Variants in ARHGEF2 observed in about 807,000 individuals in gnomAD.
ARHGEF2 encodes Rho/Rac guanine nucleotide exchange factor 2, also known as rho guanine nucleotide exchange factor 2.
A neutral mutation model predicts 121.0 loss-of-function variants in ARHGEF2; 22 were observed. The ratio of observed to expected loss-of-function variants is 0.18; its 90% CI spans 0.13 to 0.26. The LOEUF (loss-of-function observed/expected upper bound fraction) is 0.26, where lower values mean the gene tolerates loss of function less well. Among genes scored for constraint, ARHGEF2 ranks in the 10% least tolerant of loss-of-function variants. ARHGEF2 has a pLI of 1.00. For missense variants in ARHGEF2, 907 were observed against 1,336.0 expected, an observed-to-expected ratio of 0.68 and a Z score of 5.01; for synonymous variants, 487 against 530.0, an observed-to-expected ratio of 0.92 and a Z score of 1.11.
chr1:155,956,639 T>C (rs1202846870), intron 13 of ARHGEF2, among the ~76,000 whole-genome samples: 1 of 150,876 alleles, frequency 6.6e-6, no homozygotes, highest in Non-Finnish European at 1.5e-5. Flanking sequence ...TTGGTCAACA[T>C]GGCAAAACCC....
chr1:155,970,672 C>T (rs1228549979), intron 1 of ARHGEF2: 1 of 985,604 alleles, frequency 1.0e-6, no homozygotes, highest in Non-Finnish European at 1.2e-6. Context: ...CGAGGCCACG[C>T]CAGCAGCTGA....
At chr1:155,966,196 C>T (rs1379054504) in intron 4 of ARHGEF2, among the ~76,000 whole-genome samples, 1 of 152,160 alleles carries the variant, frequency 6.6e-6, no homozygotes, top group Non-Finnish European at 1.5e-5. Context: ...GCTCAGGCGA[C>T]CACCCATCCC....
At chr1:155,953,187 C>T (rs975320887) in intron 14 of ARHGEF2, among the ~76,000 whole-genome samples, 2 of 151,642 alleles carry the variant, frequency 1.3e-5, no homozygotes, top group African/African-American at 4.8e-5. Context: ...ATCGCTTGAA[C>T]CCAGGAGGCA....
At chr1:155,966,781 A>G (rs765606938) in intron 3 of ARHGEF2, 39 bp downstream of exon 3, 23 of 1,555,088 alleles carry the variant, frequency 1.5e-5, no homozygotes, top group African/African-American at 1.4e-5. Flanking sequence ...CACACTCACT[A>G]CCCTCTCCCC....
chr1:155,973,590 A>G (rs887592485), intron 1 of ARHGEF2, among the ~76,000 whole-genome samples: 2 of 152,104 alleles, frequency 1.3e-5, no homozygotes, highest in African/African-American at 4.8e-5. Context: ...TACTAAAAAT[A>G]CAAAAATTGG....
Position 155,962,978 on chromosome 1 carries a change from G to C in ARHGEF2, c.930C>G (p.Thr310=). Residue 310 remains threonine, a synonymous_variant, in exon 8 of 22, where the codon ACC becomes ACG. Coordinates refer to ENST00000361247, the MANE Select transcript of ARHGEF2 (RefSeq NM_001162383.2). This position sits in a 1 kb window ranked among gnomAD's most constrained non-coding sequence, Gnocchi z 5.8. Reference sequence around the variant, plus strand: ...CCAAGCGATGGATGACAAAGTTCCGGGTGCTGCCAGGGCACAGGGCCTGGC... The same window carrying C: ...CCAAGCGATGGATGACAAAGTTCCGCGTGCTGCCAGGGCACAGGGCCTGGC... The part of the protein sequence containing the change: ...RRRQALCPGS[T]RNFVIHRLGD... The C allele has an allele frequency of 6.2e-7, 1 of 1,614,168 alleles. No individual in the cohort carries two copies. Among genetic ancestry groups the C allele is most frequent in the East Asian group, 2.2e-5 (1 of 44,886 alleles).
rs754252711 is a variant in ARHGEF2 at position 155,962,567 on chromosome 1, C to T, written c.1101+26G>A. On this transcript the variant is annotated intron_variant, in intron 9 of 21. Transcript: ENST00000361247. The surrounding 1 kb of genome is among the most constrained non-coding windows in gnomAD (Gnocchi z 5.8). ...GGGGAGGGTGGGTTTGGGCCATGAG[C>T]ATGGGATCTGGAGAGGTCCGCTCAC... 6.2e-7 allele frequency: 1 copy of T among 1,611,248 alleles called. No individual in the cohort carries two copies.
At position 155,961,696 on chromosome 1, in the gene ARHGEF2, C is replaced by G; in HGVS notation, c.1433G>C (p.Cys478Ser). 6.2e-7 allele frequency: 1 copy of G among 1,613,714 alleles called. No homozygotes were observed. The highest frequency in any genetic ancestry group is 1.1e-5 in the South Asian group (1 of 91,086). The change falls in exon 11 of 22, where the codon TGC (cysteine) becomes TCC (serine). Residue 478 changes from cysteine (C) to serine (S), a missense_variant. Cys to Ser is a moderately radical substitution (Grantham distance 112). This residue lies in a region of ARHGEF2 where 475 missense variants were observed against 776.5 expected (regional missense o/e 0.61). Transcript: ENST00000361247. The surrounding 1 kb of genome is among the most constrained non-coding windows in gnomAD (Gnocchi z 4.7). The stretch of plus-strand genomic sequence containing the variant: ...CCCCGTCGCTGTCTTCCAGAGCAGG[C>G]AGCCATCGTGGATGAGTTTGCGCCT... ...LLRRKLIHDG[C>S]LLWKTATGRF...
At chr1:155,957,116 C>T (rs1291016519) in intron 13 of ARHGEF2, among the ~76,000 whole-genome samples, 2 of 151,966 alleles carry the variant, frequency 1.3e-5, no homozygotes, top group Non-Finnish European at 2.9e-5. Flanking sequence ...GCATAATCTT[C>T]CAGAATCCAT....
intron 11 of ARHGEF2, among the ~76,000 whole-genome samples, chr1:155,959,438 G>C (rs1677430294): frequency 6.6e-6 from 1 of 152,074 alleles, no homozygotes; most frequent in Non-Finnish European, 1.5e-5. Flanking sequence ...TGTAGAGACG[G>C]GGTTTCACCA....
intron 1 of ARHGEF2, among the ~76,000 whole-genome samples, chr1:155,977,091 A>T (rs1189258502): frequency 1.3e-5 from 2 of 152,006 alleles, no homozygotes; most frequent in African/African-American, 4.8e-5. Context: ...AAGGACTCCT[A>T]AGGGGTACTG....
At chr1:155,971,194 C>T in intron 1 of ARHGEF2, 1 of 816,734 alleles carries the variant, frequency 1.2e-6, no homozygotes, top group Non-Finnish European at 1.5e-6. Flanking sequence ...CTCCTTTTTT[C>T]TATTCTGGCA....
At chr1:155,956,573 C>T (rs1336458870) in intron 13 of ARHGEF2, among the ~76,000 whole-genome samples, 1 of 151,812 alleles carries the variant, frequency 6.6e-6, no homozygotes, top group Non-Finnish European at 1.5e-5. Context: ...GTAATCTCAG[C>T]TCTTTTGGAG....
rs1427865300 is a variant in ARHGEF2 at position 155,956,605 on chromosome 1, TGAGATC to T, written c.1715+1102_1715+1107del. Among the ~76,000 whole-genome samples the T allele has an allele frequency of 2.0e-5, 3 of 149,566 alleles. No individual in the cohort carries two copies. In the Admixed American group the frequency reaches 2.0e-4, roughly 10 times the overall value. ...GGAGGCTGAGGTGGGCGGATAAATC[TGAGATC>T]AGGAGTTCGAGACCAGCTTGGTCAA... On this transcript the variant is annotated intron_variant, in intron 13 of 21. Transcript: ENST00000361247.
At chr1:155,974,880 G>A (rs1681054887) in intron 1 of ARHGEF2, among the ~76,000 whole-genome samples, 1 of 151,980 alleles carries the variant, frequency 6.6e-6, no homozygotes, top group Admixed American at 6.6e-5. Context: ...AAACAGACAG[G>A]CATTTGTGCA....
Position 155,952,688 on chromosome 1 carries a change from G to T in ARHGEF2, c.1924C>A (p.Arg642Ser). 1 of 1,614,222 alleles carries T rather than the reference G, an allele frequency of 6.2e-7. No homozygotes were observed. The highest frequency in any genetic ancestry group is 8.5e-7 in the Non-Finnish European group (1 of 1,180,026). Residue 642 changes from arginine (R) to serine (S), a missense_variant, in exon 15 of 22, where the codon CGC becomes AGC. Around this residue, in one of 2 missense-constraint regions of ARHGEF2, gnomAD observed 432 missense variants for 559.5 expected, o/e 0.77. Coordinates refer to ENST00000361247, the MANE Select transcript of ARHGEF2 (RefSeq NM_001162383.2). Reference protein sequence around the residue: ...ALPTLPRGLFRSESLESPRGE... With the variant: ...ALPTLPRGLFSSESLESPRGE... ...CGAGGGGACTCAAGGGACTCAGAGC[G>T]GAAAAGGCCCCTGGGCAGGGTGGGC...
rs1681734110 is a variant in ARHGEF2, at chr1:155,978,432, G to A, written c.-5C>T. 4 of 1,492,740 alleles carry A rather than the reference G, an allele frequency of 2.7e-6. No homozygotes were observed. The East Asian group carries it at 1.0e-4, about 39-fold the overall frequency. The allele number at this position is 1,492,740 out of a possible 1,614,324, so 92.5% of individuals were successfully genotyped here. A position where few individuals can be genotyped will look rare whatever the true frequency, so the allele number is the denominator to read the frequency against. On this transcript the variant is annotated 5_prime_UTR_variant, in exon 1 of 22. Coordinates refer to ENST00000361247, the MANE Select transcript of ARHGEF2 (RefSeq NM_001162383.2). The surrounding 1 kb of genome is among the most constrained non-coding windows in gnomAD (Gnocchi z 4.1). ...GAGGGATTCGATCCGAGACATAATC[G>A]GACGGGGGGACCAGGGAGGACGCGG...
In ARHGEF2 at chr1:155,962,987, A is replaced by C; in HGVS notation, c.921T>G (p.Pro307=). 6.2e-7 allele frequency: 1 copy of C among 1,614,200 alleles called. No homozygotes were observed. The highest frequency in any genetic ancestry group is 8.5e-7 in the Non-Finnish European group (1 of 1,180,030). ...LLERRRQALC[P]GSTRNFVIHR... is the part of the protein sequence containing the mutation. ...GGATGACAAAGTTCCGGGTGCTGCC[A>C]GGGCACAGGGCCTGGCGTCGGCGTT... Residue 307 remains proline, a synonymous_variant, in exon 8 of 22, where the codon CCT becomes CCG. Transcript: ENST00000361247. This position sits in a 1 kb window ranked among gnomAD's most constrained non-coding sequence, Gnocchi z 5.8.
At chr1:155,949,463 C>T (rs1674947781) in intron 21 of ARHGEF2, among the ~76,000 whole-genome samples, 1 of 151,524 alleles carries the variant, frequency 6.6e-6, no homozygotes, top group Non-Finnish European at 1.5e-5. Context: ...GCCTGTAGTC[C>T]CAGCTACTCG....
Sources: gnomAD v4.1 joint callset for allele counts (sites outside exome capture counted in the v4.1 genomes callset) on GRCh38, gnomAD v4.1.1 for gene constraint, gnomAD v4.1.1 regional missense constraint, Gnocchi (gnomAD v3.1) non-coding constraint, MANE v1.5 for transcripts, NCBI Gene and HGNC (gene_info 2026-07-23, HGNC 2026-07-21) for gene names.